Variants in CFHR1 observed in about 807,000 individuals in gnomAD.
CFHR1 encodes complement factor H related 1.
A neutral mutation model predicts 30.4 loss-of-function variants in CFHR1; 22 were observed. The ratio of observed to expected loss-of-function variants is 0.72; its 90% CI spans 0.52 to 1.03. CFHR1 has a LOEUF of 1.03. CFHR1 is among the 50% of genes least tolerant of loss of function. CFHR1 has a pLI of 0.00. For synonymous variants in CFHR1, 95 were observed against 129.1 expected, an observed-to-expected ratio of 0.74 and a Z score of 1.79; for missense variants, 248 against 380.6, an observed-to-expected ratio of 0.65 and a Z score of 2.90.
At chr1:196,828,383 A>G in intron 4 of CFHR1, 137 bp downstream of exon 4, 2 of 761,280 alleles carry the variant, frequency 2.6e-6, no homozygotes, top group Non-Finnish European at 4.0e-6. Context: ...TTAAAATTCA[A>G]TTCTTCCTGT....
chr1:196,829,460 T>G (rs1223083922), intron 4 of CFHR1, among the ~76,000 whole-genome samples: 1 of 135,668 alleles, frequency 7.4e-6, no homozygotes, highest in East Asian at 2.0e-4. Context: ...TTATCTGTTT[T>G]ATTTTAATTT....
At chr1:196,824,341 T>TCC (rs1378549366) in intron 1 of CFHR1, among the ~76,000 whole-genome samples, 1 of 133,646 alleles carries the variant, frequency 7.5e-6, no homozygotes, top group Non-Finnish European at 1.6e-5. Flanking sequence ...CACTGCAACC[T>TCC]CCCCCTCCTG....
At chr1:196,828,543 T>C (rs1325785032) in intron 4 of CFHR1, among the ~76,000 whole-genome samples, 1 of 131,776 alleles carries the variant, frequency 7.6e-6, no homozygotes, top group African/African-American at 3.3e-5. Flanking sequence ...TTATGTGCAT[T>C]TGACAGCCAT....
chr1:196,826,731 T>G, intron 2 of CFHR1, 98 bp from the exon 3 acceptor site: 1 of 1,162,296 alleles, frequency 8.6e-7, no homozygotes, highest in Non-Finnish European at 1.2e-6. Flanking sequence ...ATTACCAGAG[T>G]GAGCCACTTC....
In CFHR1 at chr1:196,831,925, T is replaced by C; in HGVS notation, c.919T>C (p.Ser307Pro). ...EFVCKRGYRL[S>P]SRSHTLRTTC... ...TGTGTGTAAACGGGGATATCGTCTT[T>C]CATCACGTTCTCACACATTGCGAAC... Residue 307 changes from serine (S) to proline (P), a missense_variant, in exon 6 of 6, where the codon TCA (serine) becomes CCA (proline). Around this residue, in one of 3 missense-constraint regions of CFHR1, gnomAD observed 112 missense variants for 156.4 expected, o/e 0.72. Coordinates refer to ENST00000320493, the MANE Select transcript of CFHR1 (RefSeq NM_002113.3). 6.6e-7 allele frequency: 1 copy of C among 1,525,598 alleles called. No individual in the cohort carries two copies. Among genetic ancestry groups the C allele is most frequent in the South Asian group, 1.2e-5 (1 of 80,238 alleles). The allele number at this position is 1,525,598 out of a possible 1,614,324, so 94.5% of individuals were successfully genotyped here.
At chr1:196,825,032 A>T (rs1655270973) in intron 1 of CFHR1, among the ~76,000 whole-genome samples, 1 of 131,098 alleles carries the variant, frequency 7.6e-6, no homozygotes. Flanking sequence ...CACCAGAAAA[A>T]AAAATAGGAC....
Position 196,822,757 on chromosome 1 carries a change from T to C in CFHR1, c.59-2720T>C, listed in dbSNP as rs1478714724. On this transcript the variant is annotated intron_variant, in intron 1 of 5. Transcript: ENST00000320493. ...ACTGTTTTACAGTTAATTTTTTTAA[T>C]CAATAGAAGAAGTTAACTATAAAAT... Among the ~76,000 whole-genome samples the C allele has an allele frequency of 2.2e-5, 3 of 134,624 alleles. 1 individual carries two copies. Among genetic ancestry groups the C allele is most frequent in the African/African-American group, 9.6e-5 (3 of 31,314 alleles). The allele number at this position is 134,624 out of a possible 152,430, so 88.3% of individuals were successfully genotyped here. A position where few individuals can be genotyped will look rare whatever the true frequency, so the allele number is the denominator to read the frequency against.
In CFHR1 at chr1:196,831,279, G is replaced by A. The variant is rs1286283665; in HGVS notation, c.791-518G>A. Among the ~76,000 whole-genome samples, 4 of 135,484 alleles carry A rather than the reference G, an allele frequency of 3.0e-5. 1 individual carries two copies. Among genetic ancestry groups the A allele is most frequent in the South Asian group, 2.5e-4 (1 of 3,924 alleles). The allele number at this position is 135,484 out of a possible 152,430, so 88.9% of individuals were successfully genotyped here. On this transcript the variant is annotated intron_variant, in intron 5 of 5. Transcript: ENST00000320493. ...TACAATGATTACCACAAATTAATTA[G>A]CACATTCTTCATCACCTATGCTTAG...
chr1:196,825,660 C>T lies in CFHR1; in HGVS notation c.242C>T (p.Pro81Leu). Residue 81 changes from proline (P) to leucine (L), a missense_variant, in exon 2 of 6, where the codon CCA becomes CTA. By Grantham distance (98) the Pro-to-Leu change is moderately conservative (BLOSUM62 -3). Coordinates refer to ENST00000320493, the MANE Select transcript of CFHR1 (RefSeq NM_002113.3). ...TCTEEGWSPTPKCLRLCFFPF... is the reference protein window; with the variant it reads ...TCTEEGWSPTLKCLRLCFFPF... ...ACAGAAGAAGGATGGTCACCAACAC[C>T]AAAGTGTCTCAGTGAGTAAATGCTC... 6.6e-7 allele frequency: 1 copy of T among 1,522,240 alleles called. No individual in the cohort carries two copies. The highest frequency in any genetic ancestry group is 8.9e-7 in the Non-Finnish European group (1 of 1,127,014). 94.3% of individuals were successfully genotyped at this position (1,522,240 alleles called of 1,614,324 possible).
At chr1:196,829,004 C>G (rs866272579) in intron 4 of CFHR1, among the ~76,000 whole-genome samples, 1 of 133,430 alleles carries the variant, frequency 7.5e-6, no homozygotes, top group South Asian at 2.6e-4. Flanking sequence ...TCTGTCTGTT[C>G]CCTCTGGGTT....
At position 196,830,450 on chromosome 1, in the gene CFHR1, A is replaced by G. The variant is rs372794129; in HGVS notation, c.608-50A>G. The stretch of plus-strand genomic sequence containing the variant: ...TTGTATTTGCCTTATTTGAACTTGT[A>G]TTTTGATTTGCTCTCACAATAAATC... On this transcript the variant is annotated intron_variant, in intron 4 of 5. Coordinates refer to ENST00000320493, the MANE Select transcript of CFHR1 (RefSeq NM_002113.3). 6.7e-6 allele frequency: 10 copies of G among 1,500,372 alleles called. 1 individual carries two copies. Among genetic ancestry groups the G allele is most frequent in the Non-Finnish European group, 9.0e-6 (10 of 1,106,716 alleles). The allele number at this position is 1,500,372 out of a possible 1,614,324, so 92.9% of individuals were successfully genotyped here.
At position 196,828,049 on chromosome 1, in the gene CFHR1, A is replaced by G. The variant is rs1262367077; in HGVS notation, c.431-21A>G. On this transcript the variant is annotated intron_variant, in intron 3 of 5. Transcript: ENST00000320493. Reference sequence around the variant, plus strand: ...CTCAAAATGAACACTAGGTGGAACCACTTCTTTTTTTTCTACTCAGACACT... The same window carrying G: ...CTCAAAATGAACACTAGGTGGAACCGCTTCTTTTTTTTCTACTCAGACACT... 2.7e-6 allele frequency: 4 copies of G among 1,496,506 alleles called. 2 individuals carry two copies. The highest frequency in any genetic ancestry group is 3.8e-4 in the Middle Eastern group (2 of 5,216). The allele number at this position is 1,496,506 out of a possible 1,614,324, so 92.7% of individuals were successfully genotyped here.
In CFHR1 at chr1:196,831,060, A is replaced by C. The variant is rs1310419681; in HGVS notation, c.790+378A>C. On this transcript the variant is annotated intron_variant, in intron 5 of 5. Coordinates refer to ENST00000320493, the MANE Select transcript of CFHR1 (RefSeq NM_002113.3). ...GGCAGGAAAATGGCGGGAACCCGGGAGGCGGAGCTTGCAGTGAGCCGAGTT... is the reference window on the plus strand; with the variant it reads ...GGCAGGAAAATGGCGGGAACCCGGGCGGCGGAGCTTGCAGTGAGCCGAGTT... Among the ~76,000 whole-genome samples, 4 of 135,082 alleles carry C rather than the reference A, an allele frequency of 3.0e-5. 2 individuals carry two copies. The highest frequency in any genetic ancestry group is 1.4e-4 in the Admixed American group (2 of 14,108). 88.6% of individuals were successfully genotyped at this position (135,082 alleles called of 152,430 possible).
chr1:196,822,207 T>C (rs1655143532), intron 1 of CFHR1, among the ~76,000 whole-genome samples: 1 of 113,428 alleles, frequency 8.8e-6, no homozygotes, highest in South Asian at 3.2e-4. Context: ...TAGGCTAAAC[T>C]AATTTATTTT....
In CFHR1 at chr1:196,828,599, T is replaced by C. The variant is rs150488942; in HGVS notation, c.607+353T>C. Among the ~76,000 whole-genome samples the C allele has an allele frequency of 2.9e-3, 385 of 130,840 alleles. 94 individuals are homozygous for C. Among genetic ancestry groups the C allele is most frequent in the African/African-American group, 0.012 (364 of 29,884 alleles). 85.8% of individuals were successfully genotyped at this position (130,840 alleles called of 152,430 possible). A position where few individuals can be genotyped will look rare whatever the true frequency, so the allele number is the denominator to read the frequency against. On this transcript the variant is annotated intron_variant, in intron 4 of 5. Transcript: ENST00000320493. ...TATGGAATAGGCAGTTGAAGAGAGA[T>C]CATAGACTGTGATATAAATGTGGGC...
chr1:196,828,645 A>G (rs1319331173), intron 4 of CFHR1, among the ~76,000 whole-genome samples: 1 of 132,710 alleles, frequency 7.5e-6, no homozygotes, highest in Non-Finnish European at 1.6e-5. Context: ...TATGGATTAT[A>G]TTTAAAGGTG....
intron 3 of CFHR1, among the ~76,000 whole-genome samples, chr1:196,827,222 T>C (rs1454197845): frequency 7.4e-6 from 1 of 135,548 alleles, no homozygotes; most frequent in Admixed American, 7.1e-5. Flanking sequence ...ACCGGTAGCA[T>C]CATCATCTCC....
At position 196,826,957 on chromosome 1, in the gene CFHR1, T is replaced by C; in HGVS notation, c.382T>C (p.Ser128Pro). The C allele has an allele frequency of 6.6e-7, 1 of 1,525,706 alleles. No homozygotes were observed. The allele number at this position is 1,525,706 out of a possible 1,614,324, so 94.5% of individuals were successfully genotyped here. A position where few individuals can be genotyped will look rare whatever the true frequency, so the allele number is the denominator to read the frequency against. The change falls in exon 3 of 6, where the codon TCA becomes CCA. Residue 128 changes from serine (S) to proline (P), a missense_variant. This residue lies in a region of CFHR1 where 121 missense variants were observed against 162.6 expected (regional missense o/e 0.74). Transcript: ENST00000320493. ...ACTTCAAAACAATGAGAACAACATT[T>C]CATGTGTAGAACGGGGCTGGTCCAC... ...YRLQNNENNISCVERGWSTPP... is the reference protein window; with the variant it reads ...YRLQNNENNIPCVERGWSTPP...
At chr1:196,830,386 G>C in intron 4 of CFHR1, 114 bp from the exon 5 acceptor site, 1 of 1,200,818 alleles carries the variant, frequency 8.3e-7, no homozygotes, top group Non-Finnish European at 1.2e-6. Flanking sequence ...TCTTTTACCA[G>C]AAATCACAAA....
Sources: allele counts gnomAD v4.1 joint callset (sites outside exome capture counted in the v4.1 genomes callset), GRCh38; gene constraint gnomAD v4.1.1; regional missense constraint gnomAD v4.1.1; transcripts MANE v1.5; gene names NCBI Gene and HGNC (gene_info 2026-07-23, HGNC 2026-07-21).